POGZ: variants seen among roughly 807,000 people sequenced by gnomAD.
The protein encoded by POGZ is pogo transposable element derived with ZNF domain.
In POGZ, 17 loss-of-function variants were observed where a neutral mutation model predicts 134.6. That is an observed-to-expected ratio of 0.13 (90% CI 0.09 to 0.19). POGZ has a LOEUF of 0.19. POGZ is among the 10% of genes least tolerant of loss of function. The pLI is 1.00. For missense variants in POGZ, 1,306 were observed against 1,769.7 expected (o/e 0.74, Z 4.70); for synonymous variants, 693 against 657.1 (o/e 1.05, Z -0.84).
At chr1:151,432,305 T>C (rs1295184798) in intron 3 of POGZ, among the ~76,000 whole-genome samples, 1 of 152,134 alleles carries the variant, frequency 6.6e-6, no homozygotes, top group Non-Finnish European at 1.5e-5. Flanking sequence ...GCAGGTTATA[T>C]CACCACAGTT....
intron 3 of POGZ, among the ~76,000 whole-genome samples, chr1:151,432,331 C>T (rs1658831347): frequency 6.6e-6 from 1 of 152,152 alleles, no homozygotes; most frequent in East Asian, 1.9e-4. Flanking sequence ...CAAAGCTAGA[C>T]CACCAAAGGA....
chr1:151,433,293 A>C (rs1659015856), intron 3 of POGZ, among the ~76,000 whole-genome samples: 1 of 152,108 alleles, frequency 6.6e-6, no homozygotes, highest in Admixed American at 6.6e-5. Flanking sequence ...GTCAAGTTTA[A>C]ATTTTGGTGG....
intron 4 of POGZ, among the ~76,000 whole-genome samples, chr1:151,430,181 A>C (rs1256137026): frequency 6.6e-6 from 1 of 152,242 alleles, no homozygotes; most frequent in African/African-American, 2.4e-5. Context: ...AGGCAAAGAG[A>C]AGCATTTGCC....
intron 3 of POGZ, among the ~76,000 whole-genome samples, chr1:151,437,131 C>CT (rs1339652399): frequency 6.6e-6 from 1 of 151,666 alleles, no homozygotes; most frequent in Admixed American, 6.6e-5. Context: ...GAGGCAGAGG[C>CT]TGCAGTGAGC....
Position 151,407,301 on chromosome 1 carries a change from A to G in POGZ, c.2376-10T>C, listed in dbSNP as rs750348446. The G allele has an allele frequency of 6.2e-7, 1 of 1,601,064 alleles. No individual in the cohort carries two copies. The highest frequency in any genetic ancestry group is 1.1e-5 in the South Asian group (1 of 88,744). ...CCGTGGAACATGATTGCTGAGAAAG[A>G]CAAAGAAGTGGTATGAGTTACGGAG... On this transcript the variant is annotated splice_polypyrimidine_tract_variant and intron_variant, in intron 15 of 18. Coordinates refer to ENST00000271715, the MANE Select transcript of POGZ (RefSeq NM_015100.4).
chr1:151,422,923 A>C (rs923454812), intron 10 of POGZ, among the ~76,000 whole-genome samples: 6 of 152,114 alleles, frequency 3.9e-5, no homozygotes, highest in African/African-American at 1.4e-4. Flanking sequence ...AATTTCTTTG[A>C]GCTTATGTCC....
At chr1:151,407,070 C>T (rs1292614955) in intron 16 of POGZ, 47 bp from the exon 17 acceptor site, 14 of 1,455,214 alleles carry the variant, frequency 9.6e-6, no homozygotes, top group Admixed American at 1.7e-5. Context: ...AGCAGTGACA[C>T]TTGAGACCAT....
chr1:151,441,601 T>C (rs1482988360), intron 2 of POGZ, among the ~76,000 whole-genome samples: 1 of 152,176 alleles, frequency 6.6e-6, no homozygotes, highest in Non-Finnish European at 1.5e-5. Context: ...GTATCACCTT[T>C]ATGAAAGAAA....
rs1653297674 is a variant in POGZ at position 151,404,942 on chromosome 1, C to T, written c.4093G>A (p.Glu1365Lys). 1 of 1,614,092 alleles carries T rather than the reference C, an allele frequency of 6.2e-7. No homozygotes were observed. The highest frequency in any genetic ancestry group is 1.7e-5 in the Admixed American group (1 of 59,996). The change falls in exon 19 of 19, where the codon GAG becomes AAG. Residue 1365 changes from glutamate to lysine, a missense_variant. Transcript: ENST00000271715. ...GATCTGGGTCGTGGAGTGGAAGACT[C>T]AGAATGTTCCCCACTCAGCTTCAGT... Reference protein sequence around the residue: ...EQLKLSGEHSESSTPRPRSSP... With the variant: ...EQLKLSGEHSKSSTPRPRSSP...
chr1:151,411,487 G>T, intron 12 of POGZ, 138 bp downstream of exon 12: 1 of 595,046 alleles, frequency 1.7e-6, no homozygotes, highest in Non-Finnish European at 3.0e-6. Context: ...CACATTAAGT[G>T]AATTCAATAA....
At chr1:151,439,953 TAC>T (rs2102358790) in intron 3 of POGZ, among the ~76,000 whole-genome samples, 1 of 152,242 alleles carries the variant, frequency 6.6e-6, no homozygotes, top group South Asian at 2.1e-4. Context: ...TAATGGGAAA[TAC>T]AGTCAGTCAT....
At chr1:151,451,512 G>C (rs1357582548) in intron 1 of POGZ, among the ~76,000 whole-genome samples, 3 of 151,514 alleles carry the variant, frequency 2.0e-5, no homozygotes, top group African/African-American at 7.3e-5. Context: ...TTTTAGTAGA[G>C]ATGGGGTTTC....
At chr1:151,455,191 AT>A (rs1662628200) in intron 1 of POGZ, 1 of 152,172 alleles carries the variant, frequency 6.6e-6, no homozygotes. Context: ...ATGTTACCAT[AT>A]TGATATTATG....
chr1:151,411,782 T>A lies in POGZ; in HGVS notation c.1780-11A>T. ...GCGATATTGACACACCTGAGTCACA[T>A]AGGAGGGAAAATAAGGCTAAGAATG... On this transcript the variant is annotated splice_polypyrimidine_tract_variant and intron_variant, in intron 11 of 18. Coordinates refer to ENST00000271715, the MANE Select transcript of POGZ (RefSeq NM_015100.4). The A allele has an allele frequency of 1.2e-6, 2 of 1,602,996 alleles. No homozygotes were observed. The highest frequency in any genetic ancestry group is 1.7e-6 in the Non-Finnish European group (2 of 1,175,426).
intron 3 of POGZ, among the ~76,000 whole-genome samples, chr1:151,440,257 T>C (rs1207024819): frequency 6.6e-6 from 1 of 151,882 alleles, no homozygotes; most frequent in Non-Finnish European, 1.5e-5. Flanking sequence ...TGTTTTAGTT[T>C]TAAAGGAAAT....
chr1:151,435,451 C>G (rs550008718), intron 3 of POGZ, among the ~76,000 whole-genome samples: 17 of 151,564 alleles, frequency 1.1e-4, no homozygotes, highest in African/African-American at 3.9e-4. Context: ...TAAAGAACAT[C>G]AAACAGAATA....
chr1:151,430,899 TTTTAC>T (rs1218623664), intron 3 of POGZ, 58 bp from the exon 4 acceptor site: 33 of 1,006,692 alleles, frequency 3.3e-5, no homozygotes, highest in South Asian at 6.1e-5. Flanking sequence ...TAAACCCACA[TTTTAC>T]TTTATTTTAT....
rs1253730932 is a variant in POGZ, at chr1:151,408,107, T to G, written c.2368A>C (p.Met790Leu). The change falls in exon 15 of 19, where the codon ATG becomes CTG. Residue 790 changes from methionine to leucine, a missense_variant. Coordinates refer to ENST00000271715, the MANE Select transcript of POGZ (RefSeq NM_015100.4). ...GGTTAAAAACCAACTTACTTGATCA[T>G]GTGGTTGGCATAAGCTCGAGAACAG... ...TCCSRAYANHMINNHVPRKSP... is the reference protein window; with the variant it reads ...TCCSRAYANHLINNHVPRKSP... The G allele has an allele frequency of 1.2e-6, 2 of 1,610,088 alleles. No homozygotes were observed. Among genetic ancestry groups the G allele is most frequent in the Non-Finnish European group, 1.7e-6 (2 of 1,178,672 alleles).
intron 10 of POGZ, among the ~76,000 whole-genome samples, chr1:151,413,989 A>C (rs6587572): frequency 0.82 from 124,765 of 152,166 alleles, 51,358 homozygotes; most frequent in African/African-American, 0.83. Context: ...AGAGGATTCA[A>C]ACATTTCATA....
Sources: allele counts gnomAD v4.1 joint callset (sites outside exome capture counted in the v4.1 genomes callset), GRCh38; gene constraint gnomAD v4.1.1; transcripts MANE v1.5; gene names NCBI Gene and HGNC (gene_info 2026-07-23, HGNC 2026-07-21).